The following MS4A14 variants were observed in gnomAD, a reference collection of about 807,000 sequenced individuals.
The protein encoded by MS4A14 is membrane spanning 4-domains A14.
Under a neutral mutation model 16.7 loss-of-function variants are expected in MS4A14, and 18 were observed. The observed-to-expected ratio is 1.08, with a 90% confidence interval of 0.75 to 1.60. The LOEUF is 1.60. MS4A14 is among the 40% of genes most tolerant of loss of function. The pLI is 0.00. For missense variants in MS4A14, 812 were observed against 775.3 expected, an observed-to-expected ratio of 1.05 and a Z score of -0.56; for synonymous variants, 305 against 289.4, an observed-to-expected ratio of 1.05 and a Z score of -0.55.
At chr11:60,402,781 C>A in intron 3 of MS4A14, 131 bp from the exon 4 acceptor site, 2 of 899,262 alleles carry the variant, frequency 2.2e-6, no homozygotes, top group Non-Finnish European at 1.7e-6. Context: ...GCCTTCCAAT[C>A]ATACTGACCT....
intron 4 of MS4A14, chr11:60,405,795 T>C (rs2085778085): frequency 1.1e-6 from 1 of 883,198 alleles, no homozygotes; most frequent in Non-Finnish European, 1.7e-6. Flanking sequence ...GGGTTTCCCA[T>C]ACTTGGTGAT....
chr11:60,399,743 T>A (rs2085682397), intron 2 of MS4A14, among the ~76,000 whole-genome samples: 1 of 152,068 alleles, frequency 6.6e-6, no homozygotes. Context: ...TGACAGGACT[T>A]GGCAATCCAA....
rs749730281 is a variant in MS4A14, at chr11:60,416,771, C to A, written c.1803C>A (p.Thr601=). 1.1e-5 allele frequency: 18 copies of A among 1,613,438 alleles called. No individual in the cohort carries two copies. The highest frequency in any genetic ancestry group is 1.4e-5 in the Non-Finnish European group (17 of 1,179,802). ...TDKEQNSKKQ[T]QDQQTEDQPA... ...AGGAGCAAAACTCAAAGAAGCAAAC[C>A]CAGGATCAGCAAACTGAAGACCAGC... is the stretch of plus-strand genomic sequence containing the variant. Residue 601 remains threonine, a synonymous_variant, in exon 5 of 5, where the codon ACC becomes ACA. Coordinates refer to ENST00000300187, the MANE Select transcript of MS4A14 (RefSeq NM_032597.5).
intron 4 of MS4A14, chr11:60,404,770 G>T: frequency 5.9e-6 from 2 of 339,332 alleles, no homozygotes; most frequent in East Asian, 7.6e-5. Flanking sequence ...TATCTGCATA[G>T]ATCCCCCATT....
At chr11:60,403,501 A>G (rs1565175054) in intron 4 of MS4A14, among the ~76,000 whole-genome samples, 1 of 152,232 alleles carries the variant, frequency 6.6e-6, no homozygotes, top group East Asian at 1.9e-4. Flanking sequence ...GCTCAATAAC[A>G]CTGAGATCAA....
intron 4 of MS4A14, among the ~76,000 whole-genome samples, chr11:60,406,906 C>T (rs1206793928): frequency 6.6e-6 from 1 of 151,038 alleles, no homozygotes; most frequent in East Asian, 1.9e-4. Flanking sequence ...TGGCTTCTTC[C>T]ACACAGAAAT....
intron 4 of MS4A14, among the ~76,000 whole-genome samples, chr11:60,411,682 C>T (rs2085872619): frequency 6.6e-6 from 1 of 152,046 alleles, no homozygotes; most frequent in South Asian, 2.1e-4. Context: ...GGAGGATTTT[C>T]TATATAGGAA....
In MS4A14 at chr11:60,397,873, C is replaced by T; in HGVS notation, c.160C>T (p.Leu54=). ...VLGATQILLA[L]IIVGFGTIFA... ...ACAGGCTACCCAGATCCTGCTTGCT[C>T]TAATCATTGTGGGCTTTGGAACTAT... Residue 54 remains leucine (L), a synonymous_variant, in exon 2 of 5, where the codon CTA becomes TTA. Transcript: ENST00000300187. The T allele has an allele frequency of 1.3e-6, 2 of 1,555,520 alleles. No homozygotes were observed. Among genetic ancestry groups the T allele is most frequent in the Non-Finnish European group, 8.7e-7 (1 of 1,149,994 alleles).
At chr11:60,406,835 G>C (rs1307812433) in intron 4 of MS4A14, among the ~76,000 whole-genome samples, 2 of 151,954 alleles carry the variant, frequency 1.3e-5, no homozygotes, top group African/African-American at 2.4e-5. Context: ...GATTGGTTTT[G>C]ACTTTCCAAA....
At chr11:60,400,703 T>C (rs1314543760) in intron 3 of MS4A14, among the ~76,000 whole-genome samples, 1 of 152,174 alleles carries the variant, frequency 6.6e-6, no homozygotes, top group African/African-American at 2.4e-5. Context: ...CTGTAATTCA[T>C]TGTTTGTAAT....
At chr11:60,405,977 A>G (rs2085780725) in intron 4 of MS4A14, 3 of 1,521,494 alleles carry the variant, frequency 2.0e-6, no homozygotes, top group African/African-American at 2.8e-5. Context: ...TGCTGGACAC[A>G]GTCAGATGAG....
At chr11:60,408,499 A>G (rs1590815277) in intron 4 of MS4A14, among the ~76,000 whole-genome samples, 1 of 151,990 alleles carries the variant, frequency 6.6e-6, no homozygotes, top group East Asian at 1.9e-4. Context: ...CCTCTATCCT[A>G]CTTTCTATAT....
Position 60,416,261 on chromosome 11 carries a change from A to G in MS4A14, c.1293A>G (p.Gln431=). The change falls in exon 5 of 5, where the codon CAA becomes CAG. Residue 431 remains glutamine, a synonymous_variant. Coordinates refer to ENST00000300187, the MANE Select transcript of MS4A14 (RefSeq NM_032597.5). The part of the protein sequence containing the change: ...TSHIVQFPEI[Q]HLLQQPPDLQ... ...ATATTGTGCAGTTCCCTGAAATACA[A>G]CACCTACTTCAGCAGCCCCCAGATC... 1 of 1,614,032 alleles carries G rather than the reference A, an allele frequency of 6.2e-7. No homozygotes were observed. The highest frequency in any genetic ancestry group is 8.5e-7 in the Non-Finnish European group (1 of 1,179,960).
chr11:60,413,427 C>T (rs2085895518), intron 4 of MS4A14, among the ~76,000 whole-genome samples: 1 of 151,788 alleles, frequency 6.6e-6, no homozygotes, highest in South Asian at 2.1e-4. Context: ...CAATATTTTA[C>T]CCTTAAATAT....
Position 60,416,054 on chromosome 11 carries a change from C to G in MS4A14, c.1086C>G (p.Ser362=), listed in dbSNP as rs931757262. ...ACCTGCCCCCTCAAGGCATACTATC[C>G]CAAGACACATCATCTCAAGATATGC... The part of the protein sequence containing the change: ...ANDLPPQGIL[S]QDTSSQDMLF... The change falls in exon 5 of 5, where the codon TCC becomes TCG. Residue 362 remains serine (S), a synonymous_variant. Transcript: ENST00000300187. The G allele has an allele frequency of 6.2e-7, 1 of 1,613,204 alleles. No individual in the cohort carries two copies. The highest frequency in any genetic ancestry group is 1.7e-5 in the Admixed American group (1 of 59,766).
chr11:60,397,859 A>C lies in MS4A14; in HGVS notation c.146A>C (p.Gln49Pro), dbSNP rs1325514641. ...CCATTTCTCTCCTCACAGGCTACCC[A>C]GATCCTGCTTGCTCTAATCATTGTG... ...KGEPRVLGAT[Q>P]ILLALIIVGF... is the part of the protein sequence containing the mutation. Residue 49 changes from glutamine (Q) to proline (P), a missense_variant, in exon 2 of 5, where the codon CAG becomes CCG. By Grantham distance (76) the Gln-to-Pro change is moderately conservative. Transcript: ENST00000300187. The C allele has an allele frequency of 6.9e-6, 11 of 1,599,010 alleles. No individual in the cohort carries two copies. Among genetic ancestry groups the C allele is most frequent in the African/African-American group, 1.4e-5 (1 of 71,862 alleles).
In MS4A14 at chr11:60,396,570, C is replaced by T. The variant is rs770439829; in HGVS notation, c.-9C>T. On this transcript the variant is annotated 5_prime_UTR_variant, in exon 1 of 5. Coordinates refer to ENST00000300187, the MANE Select transcript of MS4A14 (RefSeq NM_032597.5). ...ACTCTTTCCCTTACTAGAGTTCTGC[C>T]ATAGAATCATGGAGTCAACATCCCA... 1.9e-6 allele frequency: 3 copies of T among 1,611,938 alleles called. No homozygotes were observed. The highest frequency in any genetic ancestry group is 2.2e-5 in the South Asian group (2 of 90,710).
chr11:60,399,539 T>G (rs909947192), intron 2 of MS4A14, among the ~76,000 whole-genome samples: 1 of 152,132 alleles, frequency 6.6e-6, no homozygotes, highest in African/African-American at 2.4e-5. Context: ...TTAAAGAGGA[T>G]AGTGACACTT....
At chr11:60,407,488 T>C (rs2135139511) in intron 4 of MS4A14, among the ~76,000 whole-genome samples, 1 of 152,338 alleles carries the variant, frequency 6.6e-6, no homozygotes, top group East Asian at 1.9e-4. Flanking sequence ...TGTTTAACTT[T>C]ATAAGAAAAT....
Sources: gnomAD v4.1 joint callset for allele counts (sites outside exome capture counted in the v4.1 genomes callset) on GRCh38, gnomAD v4.1.1 for gene constraint, MANE v1.5 for transcripts, NCBI Gene and HGNC (gene_info 2026-07-23, HGNC 2026-07-21) for gene names.